Variants in ESRRG observed in about 807,000 individuals in gnomAD.
ESRRG encodes the protein estrogen-related receptor gamma.
A neutral mutation model predicts 44.0 loss-of-function variants in ESRRG; 13 were observed. The observed-to-expected ratio is 0.30, with a 90% confidence interval of 0.19 to 0.47. The LOEUF (loss-of-function observed/expected upper bound fraction) is 0.47. Among genes scored for constraint, ESRRG ranks in the 20% least tolerant of loss-of-function variants. ESRRG has a pLI of 1.00. For missense variants in ESRRG, 395 were observed against 580.6 expected, an observed-to-expected ratio of 0.68 and a Z score of 3.29; for synonymous variants, 215 against 214.6, an observed-to-expected ratio of 1.00 and a Z score of -0.02.
chr1:216,598,154 T>C (rs1474800754), intron 3 of ESRRG, among the ~76,000 whole-genome samples: 1 of 152,208 alleles, frequency 6.6e-6, no homozygotes, highest in Admixed American at 6.5e-5. Flanking sequence ...TAAAGACCAA[T>C]AGTTCAATTT....
chr1:216,723,306 C>G lies in ESRRG; in HGVS notation c.-7G>C. 1 of 1,613,850 alleles carries G rather than the reference C, an allele frequency of 6.2e-7. No homozygotes were observed. Among genetic ancestry groups the G allele is most frequent in the Non-Finnish European group, 8.5e-7 (1 of 1,179,918 alleles). Reference sequence around the variant, plus strand: ...AAAGTTCTACCGAATCCATGTGCGACCGGCAACCATTATTTGTGCACCCCA... The same window carrying G: ...AAAGTTCTACCGAATCCATGTGCGAGCGGCAACCATTATTTGTGCACCCCA... On this transcript the variant is annotated 5_prime_UTR_variant, in exon 1 of 7. Transcript: ENST00000408911.
At chr1:216,693,314 T>C (rs1238698980) in intron 1 of ESRRG, among the ~76,000 whole-genome samples, 1 of 152,172 alleles carries the variant, frequency 6.6e-6, no homozygotes, top group Non-Finnish European at 1.5e-5. Context: ...TAAAGAAAAA[T>C]AGGGATGGGG....
intron 2 of ESRRG, among the ~76,000 whole-genome samples, chr1:216,801,442 G>A (rs553756036): frequency 6.6e-6 from 1 of 152,170 alleles, no homozygotes; most frequent in South Asian, 2.1e-4. Flanking sequence ...CCCTGTCCCT[G>A]TTAACCACTG....
At chr1:216,997,724 A>C (rs1000497298) in intron 1 of ESRRG, among the ~76,000 whole-genome samples, 12 of 152,330 alleles carry the variant, frequency 7.9e-5, no homozygotes, top group African/African-American at 2.9e-4. Flanking sequence ...AAAGCGTTTA[A>C]AATAGGGACA....
At chr1:216,935,101 A>G (rs1007591001) in intron 2 of ESRRG, among the ~76,000 whole-genome samples, 1 of 152,176 alleles carries the variant, frequency 6.6e-6, no homozygotes, top group Non-Finnish European at 1.5e-5. Flanking sequence ...TCTCACATTC[A>G]ACACAGACAC....
intron 1 of ESRRG, among the ~76,000 whole-genome samples, chr1:216,693,151 A>C (rs1387701754): frequency 6.6e-6 from 1 of 152,166 alleles, no homozygotes; most frequent in Non-Finnish European, 1.5e-5. Context: ...CAATTCGGTT[A>C]TTATTTCCTC....
chr1:217,136,836 A>G (rs1330718536), intron 1 of ESRRG, among the ~76,000 whole-genome samples: 3 of 152,172 alleles, frequency 2.0e-5, no homozygotes, highest in Non-Finnish European at 4.4e-5. Flanking sequence ...TTGCTACGCT[A>G]AATTTATCCT....
chr1:216,937,027 T>C (rs1269790404), intron 2 of ESRRG, among the ~76,000 whole-genome samples: 1 of 152,024 alleles, frequency 6.6e-6, no homozygotes, highest in African/African-American at 2.4e-5. Context: ...TCAAGAACTG[T>C]AGGAGTGGGT....
chr1:216,718,787 T>C (rs2085489030), intron 1 of ESRRG, among the ~76,000 whole-genome samples: 1 of 152,024 alleles, frequency 6.6e-6, no homozygotes, highest in Non-Finnish European at 1.5e-5. Context: ...TTGTATTGTT[T>C]CTCTCTTCCA....
intron 1 of ESRRG, among the ~76,000 whole-genome samples, chr1:216,682,444 T>A (rs2151581283): frequency 6.6e-6 from 1 of 152,286 alleles, no homozygotes; most frequent in African/African-American, 2.4e-5. Context: ...TCCAATGTTT[T>A]TGTATAAGGA....
At chr1:217,008,417 G>A (rs1338675350) in intron 1 of ESRRG, among the ~76,000 whole-genome samples, 1 of 152,206 alleles carries the variant, frequency 6.6e-6, no homozygotes, top group Non-Finnish European at 1.5e-5. Flanking sequence ...GGACTCCAGT[G>A]ACTGCTCTAG....
At chr1:216,658,720 C>A (rs868533344) in intron 2 of ESRRG, among the ~76,000 whole-genome samples, 11 of 151,244 alleles carry the variant, frequency 7.3e-5, no homozygotes, top group African/African-American at 2.7e-4. Context: ...GTAATCCCAG[C>A]TACTCAGGAG....
upstream of ESRRG, among the ~76,000 whole-genome samples, chr1:216,725,331 T>C (rs1221658734): frequency 6.6e-6 from 1 of 152,164 alleles, no homozygotes; most frequent in Non-Finnish European, 1.5e-5. Flanking sequence ...ATGCTGTCTA[T>C]ATTGTTAAAT....
chr1:216,892,198 C>G (rs1422176619), intron 2 of ESRRG, among the ~76,000 whole-genome samples: 1 of 151,944 alleles, frequency 6.6e-6, no homozygotes, highest in Non-Finnish European at 1.5e-5. Context: ...TAATGGAAAA[C>G]TTAGTGTGCC....
At chr1:216,738,331 T>A (rs1025046711) in intron 2 of ESRRG, among the ~76,000 whole-genome samples, 2 of 152,146 alleles carry the variant, frequency 1.3e-5, no homozygotes, top group African/African-American at 2.4e-5. Context: ...CAGGGATCCA[T>A]CAGTTTATGA....
At chr1:216,937,448 T>C (rs988238436) in intron 2 of ESRRG, among the ~76,000 whole-genome samples, 3 of 152,132 alleles carry the variant, frequency 2.0e-5, no homozygotes, top group Admixed American at 6.5e-5. Context: ...GTCAGAAAGG[T>C]TTGAATTAGT....
intron 3 of ESRRG, among the ~76,000 whole-genome samples, chr1:216,590,298 C>T (rs955075927): frequency 5.9e-5 from 9 of 151,936 alleles, no homozygotes; most frequent in Admixed American, 1.3e-4. Flanking sequence ...TTCTAAGATT[C>T]GTGGTATGGA....
At chr1:216,735,987 A>AAAAAATAT (rs1453476198) in intron 2 of ESRRG, among the ~76,000 whole-genome samples, 8 of 137,116 alleles carry the variant, frequency 5.8e-5, no homozygotes, top group African/African-American at 1.6e-4. Flanking sequence ...CTCAAAAAAA[A>AAAAAATAT]ATATATATAT....
chr1:216,797,139 C>A (rs376226301), intron 2 of ESRRG, among the ~76,000 whole-genome samples: 2 of 152,134 alleles, frequency 1.3e-5, no homozygotes, highest in Admixed American at 6.6e-5. Context: ...ACCCACCTGC[C>A]TTGGCCTTTC....
Sources: gnomAD v4.1 joint callset for allele counts (sites outside exome capture counted in the v4.1 genomes callset) on GRCh38, gnomAD v4.1.1 for gene constraint, MANE v1.5 for transcripts, NCBI Gene and HGNC (gene_info 2026-07-23, HGNC 2026-07-21) for gene names.